Variants in ADGRV1 observed in about 807,000 individuals in gnomAD.
ADGRV1 encodes the protein G-protein coupled receptor 98.
Under a neutral mutation model 596.2 loss-of-function variants are expected in ADGRV1, and 359 were observed. That is an observed-to-expected ratio of 0.60 (90% CI 0.55 to 0.66). ADGRV1 has a LOEUF of 0.66. ADGRV1 is among the 30% of genes least tolerant of loss of function. ADGRV1 has a pLI of 0.00. For synonymous variants in ADGRV1, 2,681 were observed against 2,679.2 expected (o/e 1.00, Z -0.02); for missense variants, 7,274 against 7,575.6 (o/e 0.96, Z 1.48).
intron 84 of ADGRV1, among the ~76,000 whole-genome samples, chr5:90,972,333 A>T (rs1236544263): frequency 6.6e-6 from 1 of 152,190 alleles, no homozygotes; most frequent in African/African-American, 2.4e-5. Flanking sequence ...AATTGAACTC[A>T]GCTCTGCACC....
intron 70 of ADGRV1, among the ~76,000 whole-genome samples, chr5:90,797,651 C>T (rs1345231828): frequency 6.6e-6 from 1 of 152,142 alleles, no homozygotes; most frequent in African/African-American, 2.4e-5. Flanking sequence ...CAGGTATCTC[C>T]ACCCCAAATC....
In ADGRV1 at chr5:90,658,199, ATAC is replaced by A; in HGVS notation, c.4678_4680del (p.Thr1560del). On this transcript the variant is annotated inframe_deletion, in exon 21 of 90. Transcript: ENST00000405460. ...GGAGGAGCTCGTATTTCGGAAGAAA[ATAC>A]TACTGCAAGATTAACAATACAAAAA... 6.3e-7 allele frequency: 1 copy of A among 1,580,826 alleles called. No individual in the cohort carries two copies. The highest frequency in any genetic ancestry group is 8.6e-7 in the Non-Finnish European group (1 of 1,162,440).
intron 83 of ADGRV1, among the ~76,000 whole-genome samples, chr5:90,869,975 G>A (rs1014576241): frequency 1.3e-5 from 2 of 152,200 alleles, no homozygotes; most frequent in Admixed American, 1.3e-4. Flanking sequence ...CCAAATGAGA[G>A]AGAAGATTTT....
Position 90,778,563 on chromosome 5 carries a change from G to T in ADGRV1, c.12803G>T (p.Arg4268Leu), listed in dbSNP as rs1326096741. 1.9e-6 allele frequency: 3 copies of T among 1,608,134 alleles called. No homozygotes were observed. The highest frequency in any genetic ancestry group is 1.7e-5 in the Admixed American group (1 of 59,352). ...TVVASDSPYG[R>L]FAFSHEQLRV... ...GTGGCCAGCGACTCTCCCTATGGCC[G>T]ATTTGCCTTTTCACATGAGCAACTT... The change falls in exon 63 of 90, where the codon CGA (arginine) becomes CTA (leucine). Residue 4268 changes from arginine to leucine, a missense_variant. Coordinates refer to ENST00000405460, the MANE Select transcript of ADGRV1 (RefSeq NM_032119.4).
chr5:90,647,352 G>A (rs1767931601), intron 16 of ADGRV1, 146 bp from the exon 17 acceptor site: 1 of 658,312 alleles, frequency 1.5e-6, no homozygotes, highest in East Asian at 2.8e-5. Context: ...GGGTAGTCAT[G>A]TCAGAGTTGG....
intron 86 of ADGRV1, among the ~76,000 whole-genome samples, chr5:91,100,549 A>G (rs1274908273): frequency 6.6e-6 from 1 of 152,172 alleles, no homozygotes; most frequent in Non-Finnish European, 1.5e-5. Flanking sequence ...AGAATAATGG[A>G]TAATATGCTA....
At chr5:91,108,872 T>C (rs1582084666) in intron 87 of ADGRV1, among the ~76,000 whole-genome samples, 2 of 152,102 alleles carry the variant, frequency 1.3e-5, no homozygotes, top group Non-Finnish European at 2.9e-5. Flanking sequence ...GCTGGGATTA[T>C]AGGCATGAGC....
intron 29 of ADGRV1, 54 bp downstream of exon 29, chr5:90,686,049 G>T: frequency 1.8e-6 from 2 of 1,137,958 alleles, no homozygotes; most frequent in Non-Finnish European, 1.2e-6. Context: ...AGCACAGAGG[G>T]ACATGTATCC....
At chr5:90,866,313 A>ATGTGTGTG (rs768538026) in intron 83 of ADGRV1, among the ~76,000 whole-genome samples, 22 of 20,514 alleles carry the variant, frequency 1.1e-3, no homozygotes, top group African/African-American at 1.6e-3. Context: ...GTGTATGTGT[A>ATGTGTGTG]TATGTGTGTG....
chr5:90,885,993 G>T (rs144810342), intron 83 of ADGRV1, among the ~76,000 whole-genome samples: 1 of 152,054 alleles, frequency 6.6e-6, no homozygotes, highest in Non-Finnish European at 1.5e-5. Flanking sequence ...TTAAAATATC[G>T]AATACTAATC....
At chr5:90,961,707 T>C (rs559112346) in intron 83 of ADGRV1, among the ~76,000 whole-genome samples, 1 of 152,250 alleles carries the variant, frequency 6.6e-6, no homozygotes, top group South Asian at 2.1e-4. Flanking sequence ...TAAAAAGTAT[T>C]TACTCTTCAT....
intron 85 of ADGRV1, among the ~76,000 whole-genome samples, chr5:91,045,684 C>T (rs1477275082): frequency 6.6e-6 from 1 of 152,044 alleles, no homozygotes; most frequent in Non-Finnish European, 1.5e-5. Context: ...AGCAATCAGA[C>T]AAGAGAAAGA....
At position 91,102,241 on chromosome 5, in the gene ADGRV1, C is replaced by G; in HGVS notation, c.18333C>G (p.Leu6111=). Residue 6111 remains leucine, a synonymous_variant, in exon 87 of 90, where the codon CTC becomes CTG. Transcript: ENST00000405460. The stretch of plus-strand genomic sequence containing the variant: ...TAGAAATTCCACTGATTTTATATCT[C>G]TTTGCTCTGATTTCCGTGACATGGC... ...NAAEIPLILY[L]FALISVTWLW... 1 of 1,609,316 alleles carries G rather than the reference C, an allele frequency of 6.2e-7. No individual in the cohort carries two copies. Among genetic ancestry groups the G allele is most frequent in the South Asian group, 1.1e-5 (1 of 90,400 alleles).
chr5:90,712,865 T>C (rs769774189), intron 42 of ADGRV1, among the ~76,000 whole-genome samples: 18 of 152,108 alleles, frequency 1.2e-4, no homozygotes, highest in Non-Finnish European at 2.4e-4. Flanking sequence ...TTCCGCATAG[T>C]GTTGAGGTAT....
intron 89 of ADGRV1, among the ~76,000 whole-genome samples, chr5:91,157,501 C>T (rs1377777901): frequency 6.6e-6 from 1 of 152,010 alleles, no homozygotes; most frequent in Non-Finnish European, 1.5e-5. Context: ...TCTCCTTGAA[C>T]TTATATTTCC....
intron 85 of ADGRV1, among the ~76,000 whole-genome samples, chr5:91,039,454 A>T (rs1320509182): frequency 3.9e-5 from 6 of 152,194 alleles, no homozygotes; most frequent in Non-Finnish European, 7.3e-5. Context: ...TGAGTCATGT[A>T]TTCACCTCTG....
At chr5:90,695,631 CT>C (rs1747096147) in intron 33 of ADGRV1, among the ~76,000 whole-genome samples, 1 of 151,676 alleles carries the variant, frequency 6.6e-6, no homozygotes. Context: ...AAGGCATATA[CT>C]TTTTTTTGGA....
chr5:91,032,988 G>A (rs1581847468), intron 85 of ADGRV1, among the ~76,000 whole-genome samples: 1 of 152,086 alleles, frequency 6.6e-6, no homozygotes, highest in Admixed American at 6.6e-5. Flanking sequence ...GCACAGATCT[G>A]GATTTGTTTA....
intron 67 of ADGRV1, 99 bp downstream of exon 67, chr5:90,784,156 C>A: frequency 1.3e-6 from 1 of 749,402 alleles, no homozygotes; most frequent in Non-Finnish European, 2.1e-6. Flanking sequence ...TATTCACAGC[C>A]AATCAATATT....
Sources: allele counts gnomAD v4.1 joint callset (sites outside exome capture counted in the v4.1 genomes callset), GRCh38; gene constraint gnomAD v4.1.1; transcripts MANE v1.5; gene names NCBI Gene and HGNC (gene_info 2026-07-23, HGNC 2026-07-21).